GPR39: variants seen among roughly 807,000 people sequenced by gnomAD.
The protein encoded by GPR39 is G protein-coupled receptor 39.
A neutral mutation model predicts 18.4 loss-of-function variants in GPR39; 23 were observed. The ratio of observed to expected loss-of-function variants is 1.25; its 90% CI spans 0.90 to 1.77. GPR39 has a LOEUF of 1.77. Among genes scored for constraint, GPR39 ranks in the 40% most tolerant of loss-of-function variants. GPR39 has a pLI of 0.00. For synonymous variants in GPR39, 280 were observed against 257.9 expected (o/e 1.09, Z -0.82); for missense variants, 647 against 602.4 (o/e 1.07, Z -0.78).
intron 1 of GPR39, among the ~76,000 whole-genome samples, chr2:132,594,815 C>T (rs1044040852): frequency 2.4e-4 from 36 of 151,960 alleles, no homozygotes; most frequent in African/African-American, 7.3e-4. Context: ...AGAGTTACTT[C>T]GCCACTCTAT....
chr2:132,545,366 G>A (rs1356873862), intron 1 of GPR39, among the ~76,000 whole-genome samples: 3 of 152,250 alleles, frequency 2.0e-5, no homozygotes, highest in Admixed American at 6.5e-5. Context: ...GACATCATTT[G>A]TAATTGGGAA....
At chr2:132,589,157 G>A (rs1680782183) in intron 1 of GPR39, among the ~76,000 whole-genome samples, 1 of 152,208 alleles carries the variant, frequency 6.6e-6, no homozygotes, top group Non-Finnish European at 1.5e-5. Flanking sequence ...TCCAGGCAAA[G>A]AATCGTGGGA....
intron 1 of GPR39, among the ~76,000 whole-genome samples, chr2:132,509,160 C>T (rs908413982): frequency 6.6e-6 from 1 of 152,188 alleles, no homozygotes; most frequent in Non-Finnish European, 1.5e-5. Flanking sequence ...ACCTGCAGGC[C>T]TTAGCCTGAC....
chr2:132,552,978 C>T (rs1420765958), intron 1 of GPR39, among the ~76,000 whole-genome samples: 3 of 150,460 alleles, frequency 2.0e-5, no homozygotes, highest in African/African-American at 4.9e-5. Flanking sequence ...ACTCTGTTGC[C>T]CAGGCTGGAG....
chr2:132,555,206 T>C (rs1680126070), intron 1 of GPR39, among the ~76,000 whole-genome samples: 1 of 145,496 alleles, frequency 6.9e-6, no homozygotes, highest in African/African-American at 2.6e-5. Context: ...TGCCTAAGCT[T>C]CCCAAAGTGC....
chr2:132,424,390 C>T (rs748353527), intron 1 of GPR39, among the ~76,000 whole-genome samples: 3 of 152,212 alleles, frequency 2.0e-5, no homozygotes, highest in Non-Finnish European at 2.9e-5. Context: ...GCAGCCATCT[C>T]TCTCAAGAGT....
At chr2:132,427,216 G>A (rs1357806305) in intron 1 of GPR39, among the ~76,000 whole-genome samples, 4 of 142,928 alleles carry the variant, frequency 2.8e-5, no homozygotes, top group African/African-American at 1.0e-4. Context: ...CCAGGCTGGA[G>A]TGCAGTGGCA....
Position 132,527,195 on chromosome 2 carries a change from G to A in GPR39, c.856+109297G>A, listed in dbSNP as rs1027343596. ...TAGGAGTTAGAACGTGCTATGTTTG[G>A]TTTTCTATTCCTGTGTTAGTTTGCT... On this transcript the variant is annotated intron_variant, in intron 1 of 1. Transcript: ENST00000329321. Among the ~76,000 whole-genome samples, 3 of 152,110 alleles carry A rather than the reference G, an allele frequency of 2.0e-5. No homozygotes were observed. In the South Asian group the frequency reaches 6.2e-4, roughly 32 times the overall value.
intron 1 of GPR39, among the ~76,000 whole-genome samples, chr2:132,451,178 C>T (rs146132537): frequency 8.0e-3 from 381 of 47,718 alleles, no homozygotes; most frequent in Non-Finnish European, 0.018. Context: ...TGTGTGTGCA[C>T]GCGCGTGAAA....
chr2:132,639,242 A>C (rs1681817676), intron 1 of GPR39, among the ~76,000 whole-genome samples: 1 of 151,528 alleles, frequency 6.6e-6, no homozygotes, highest in South Asian at 2.1e-4. Context: ...AAGTACAGAG[A>C]ACTTGAATGG....
At chr2:132,522,984 G>A (rs557455553) in intron 1 of GPR39, among the ~76,000 whole-genome samples, 1 of 151,822 alleles carries the variant, frequency 6.6e-6, no homozygotes, top group Non-Finnish European at 1.5e-5. Context: ...CCTGGGGGAC[G>A]AGGCCCACCC....
rs567279727 is a variant in GPR39 at position 132,465,280 on chromosome 2, C to T, written c.856+47382C>T. On this transcript the variant is annotated intron_variant, in intron 1 of 1. Coordinates refer to ENST00000329321, the MANE Select transcript of GPR39 (RefSeq NM_001508.3). ...GGATAGATTACCAGGATTGTCTCTA[C>T]AGAGGAGTTCCCCTTTTCCTTGCTT... Among the ~76,000 whole-genome samples the T allele has an allele frequency of 2.6e-5, 4 of 152,350 alleles. No individual in the cohort carries two copies. In the East Asian group the frequency reaches 5.8e-4, roughly 22 times the overall value.
intron 1 of GPR39, among the ~76,000 whole-genome samples, chr2:132,571,155 T>C (rs1415863281): frequency 6.6e-6 from 1 of 152,220 alleles, no homozygotes; most frequent in Non-Finnish European, 1.5e-5. Context: ...TAGTTTCTGA[T>C]TAAGAAGCGA....
intron 1 of GPR39, among the ~76,000 whole-genome samples, chr2:132,504,455 C>A (rs1162124576): frequency 6.6e-6 from 1 of 152,136 alleles, no homozygotes; most frequent in Non-Finnish European, 1.5e-5. Flanking sequence ...ATAGTGACTG[C>A]CTGTCGTTGG....
At chr2:132,576,937 T>C (rs1680539166) in intron 1 of GPR39, among the ~76,000 whole-genome samples, 1 of 152,212 alleles carries the variant, frequency 6.6e-6, no homozygotes, top group Admixed American at 6.5e-5. Flanking sequence ...TGTTTGAATT[T>C]GTTTTCCTTA....
At position 132,552,833 on chromosome 2, in the gene GPR39, C is replaced by T. The variant is rs112792165; in HGVS notation, c.857-92268C>T. ...GTGTGTGTGTGTATGTATATATATA[C>T]ATATATATATATACACACATATATA... On this transcript the variant is annotated intron_variant, in intron 1 of 1. Transcript: ENST00000329321. Among the ~76,000 whole-genome samples, 452 of 139,874 alleles carry T rather than the reference C, an allele frequency of 3.2e-3. 1 individual carries two copies. The highest frequency in any genetic ancestry group is 7.8e-3 in the Middle Eastern group (2 of 256). 91.8% of individuals were successfully genotyped at this position (139,874 alleles called of 152,430 possible).
intron 1 of GPR39, among the ~76,000 whole-genome samples, chr2:132,556,823 G>A (rs1680160234): frequency 6.6e-6 from 1 of 152,094 alleles, no homozygotes; most frequent in African/African-American, 2.4e-5. Flanking sequence ...AGGCCTCTCT[G>A]GCTTTCCTTC....
intron 1 of GPR39, among the ~76,000 whole-genome samples, chr2:132,538,496 G>A (rs1029069231): frequency 1.3e-4 from 20 of 152,198 alleles, no homozygotes; most frequent in African/African-American, 4.6e-4. Context: ...GCCCCTTTTG[G>A]GAGGTCTTTC....
intron 1 of GPR39, among the ~76,000 whole-genome samples, chr2:132,516,641 A>G (rs1204228453): frequency 6.6e-6 from 1 of 152,178 alleles, no homozygotes; most frequent in African/African-American, 2.4e-5. Flanking sequence ...GTATTCTCAC[A>G]TTTGTACCTA....
Sources: allele counts gnomAD v4.1 joint callset (sites outside exome capture counted in the v4.1 genomes callset), GRCh38; gene constraint gnomAD v4.1.1; transcripts MANE v1.5; gene names NCBI Gene and HGNC (gene_info 2026-07-23, HGNC 2026-07-21).